Variants in MYO1F observed in about 807,000 individuals in gnomAD.
MYO1F encodes unconventional myosin-If.
In MYO1F, 60 loss-of-function variants were observed where a neutral mutation model predicts 146.6. That is an observed-to-expected ratio of 0.41 (90% CI 0.33 to 0.51). The LOEUF is 0.51. Ranked by LOEUF, MYO1F falls within the 20% of genes least tolerant of loss-of-function variation. The pLI is 0.25. For synonymous variants in MYO1F, 602 were observed against 602.1 expected (o/e 1.00, Z 0.00); for missense variants, 1,274 against 1,534.3 (o/e 0.83, Z 2.83).
In MYO1F at chr19:8,530,671, G is replaced by C; in HGVS notation, c.2044-98C>G. 1 of 949,730 alleles carries C rather than the reference G, an allele frequency of 1.1e-6. No individual in the cohort carries two copies. The highest frequency in any genetic ancestry group is 1.7e-6 in the Non-Finnish European group (1 of 594,066). 58.8% of individuals were successfully genotyped at this position (949,730 alleles called of 1,614,324 possible). ...GCGCTCACCCTACTCACACGCTTTT[G>C]CTCACCCATCCCCACACATGTGCTA... On this transcript the variant is annotated intron_variant, in intron 19 of 27. Transcript: ENST00000644032. The surrounding 1 kb of genome is among the most constrained non-coding windows in gnomAD (Gnocchi z 5.8).
At chr19:8,568,664 G>C (rs369882423) in intron 1 of MYO1F, among the ~76,000 whole-genome samples, 2 of 152,026 alleles carry the variant, frequency 1.3e-5, no homozygotes, top group East Asian at 3.9e-4. Context: ...GCTCACGCCT[G>C]TAATCCCAGC....
intron 14 of MYO1F, among the ~76,000 whole-genome samples, chr19:8,543,744 CTGGTGGTGG>C (rs1282435228): frequency 1.0e-4 from 1 of 9,848 alleles, no homozygotes; most frequent in East Asian, 3.0e-3. Flanking sequence ...GCTGGTGGTG[CTGGTGGTGG>C]TGGTGGTGGT....
In MYO1F at chr19:8,544,291, G is replaced by A. The variant is rs150510779; in HGVS notation, c.1524+6C>T. 1.9e-6 allele frequency: 3 copies of A among 1,612,740 alleles called. No individual in the cohort carries two copies. The highest frequency in any genetic ancestry group is 2.5e-6 in the Non-Finnish European group (3 of 1,179,782). On this transcript the variant is annotated splice_donor_region_variant and intron_variant, in intron 14 of 27. Transcript: ENST00000644032. ...GCACAGGGTAGGGTAGGGGCAGGGG[G>A]CGCACCTTGCCAGCGTAGTGGTGGA...
chr19:8,569,724 C>G (rs1270436453), intron 1 of MYO1F, among the ~76,000 whole-genome samples: 1 of 152,094 alleles, frequency 6.6e-6, no homozygotes, highest in East Asian at 1.9e-4. Flanking sequence ...ACTTTCCAGG[C>G]AGCATCAGTG....
Position 8,548,261 on chromosome 19 carries a change from G to A in MYO1F, c.1158C>T (p.Asp386=). The change falls in exon 11 of 28, where the codon GAC becomes GAT. Residue 386 remains aspartate, a synonymous_variant. Coordinates refer to ENST00000644032, the MANE Select transcript of MYO1F (RefSeq NM_012335.4). ...CCTGGAAGATCTCGAAGCCGTAAAT[G>A]TCCAGCACACCGATGCTGTACTCTT... ...PQEEYSIGVL[D]IYGFEIFQKN... The A allele has an allele frequency of 6.2e-7, 1 of 1,614,028 alleles. No homozygotes were observed. The highest frequency in any genetic ancestry group is 8.5e-7 in the Non-Finnish European group (1 of 1,180,010).
intron 4 of MYO1F, among the ~76,000 whole-genome samples, chr19:8,553,697 A>G (rs1973709839): frequency 6.6e-6 from 1 of 151,912 alleles, no homozygotes; most frequent in Non-Finnish European, 1.5e-5. Context: ...ACATGGTGAA[A>G]CCCAGTCTCT....
rs1407150409 is a variant in MYO1F at position 8,526,786 on chromosome 19, T to C, written c.2621+3A>G. On this transcript the variant is annotated splice_donor_region_variant and intron_variant, in intron 23 of 27. Transcript: ENST00000644032. ...GATGGTGCTGGGGTTGGCGGGGCCG[T>C]ACGTGTCGCTGAAGGTGAGGGGCAG... is the stretch of plus-strand genomic sequence containing the variant. The C allele has an allele frequency of 6.2e-7, 1 of 1,606,934 alleles. No individual in the cohort carries two copies. The highest frequency in any genetic ancestry group is 1.7e-5 in the Admixed American group (1 of 58,846).
intron 19 of MYO1F, among the ~76,000 whole-genome samples, chr19:8,533,500 G>A (rs57976295): frequency 2.0e-5 from 3 of 151,742 alleles, no homozygotes; most frequent in Admixed American, 1.3e-4. Flanking sequence ...GACTACAGGC[G>A]CCCGCCACCA....
At chr19:8,542,174 G>A (rs1434426018) in intron 14 of MYO1F, among the ~76,000 whole-genome samples, 183 bp from the exon 15 acceptor site, 1 of 151,430 alleles carries the variant, frequency 6.6e-6, no homozygotes, top group African/African-American at 2.4e-5. Context: ...GATGGGGGGC[G>A]GGCTTCCTGG....
chr19:8,555,560 G>A (rs1279056609), intron 2 of MYO1F, 99 bp downstream of exon 2: 4 of 1,542,576 alleles, frequency 2.6e-6, no homozygotes, highest in East Asian at 2.3e-5. Flanking sequence ...GTGCTCTCCC[G>A]GCCCATTCCT....
intron 16 of MYO1F, among the ~76,000 whole-genome samples, chr19:8,537,920 A>G (rs1436789824): frequency 2.0e-5 from 3 of 149,092 alleles, no homozygotes; most frequent in Non-Finnish European, 4.5e-5. Context: ...AGGTAGGGAA[A>G]CTGTGTGTAT....
chr19:8,542,200 G>A (rs1243379694), intron 14 of MYO1F, among the ~76,000 whole-genome samples: 1 of 151,518 alleles, frequency 6.6e-6, no homozygotes, highest in Non-Finnish European at 1.5e-5. Flanking sequence ...TGATGTTCAA[G>A]TTGAGGTTAG....
rs1972314404 is a variant in MYO1F at position 8,527,384 on chromosome 19, A to G, written c.2428T>C (p.Leu810=). Residue 810 remains leucine (L), a synonymous_variant, in exon 22 of 28, where the codon TTG becomes CTG. Transcript: ENST00000644032. ...GPEKGQVCEV[L]KKKVDIQALR... ...GCCTGGATGTCCACTTTCTTCTTCAAGACTTCACACACCTGGCCCTTCTCA... is the reference window on the plus strand; with the variant it reads ...GCCTGGATGTCCACTTTCTTCTTCAGGACTTCACACACCTGGCCCTTCTCA... 2.5e-6 allele frequency: 4 copies of G among 1,613,982 alleles called. No individual in the cohort carries two copies. The highest frequency in any genetic ancestry group is 3.4e-6 in the Non-Finnish European group (4 of 1,180,032).
At chr19:8,541,675 C>T in intron 15 of MYO1F, 1 of 546,660 alleles carries the variant, frequency 1.8e-6, no homozygotes, top group South Asian at 1.9e-5. Context: ...GAGATTTGTC[C>T]ACTTCGGCCT....
intron 10 of MYO1F, chr19:8,549,783 G>A (rs1568356472): frequency 9.8e-6 from 3 of 306,010 alleles, no homozygotes; most frequent in Non-Finnish European, 1.9e-5. Context: ...GGGATTACAG[G>A]CATGAGCCAC....
At chr19:8,554,791 C>T in intron 2 of MYO1F, 48 bp from the exon 3 acceptor site, 1 of 1,550,320 alleles carries the variant, frequency 6.5e-7, no homozygotes, top group Non-Finnish European at 8.9e-7. Flanking sequence ...GTTTTGTCCT[C>T]CCTGTCCCCT....
intron 19 of MYO1F, among the ~76,000 whole-genome samples, chr19:8,531,678 A>G (rs1972491490): frequency 6.6e-6 from 1 of 152,222 alleles, no homozygotes; most frequent in Non-Finnish European, 1.5e-5. Context: ...TGTGCCACTT[A>G]CTACCTGTGT....
chr19:8,550,235 G>A lies in MYO1F; in HGVS notation c.1026C>T (p.Asn342=), dbSNP rs748189585. 23 of 1,614,068 alleles carry A rather than the reference G, an allele frequency of 1.4e-5. No individual in the cohort carries two copies. In the Admixed American group the frequency reaches 2.8e-4, roughly 20 times the overall value. Residue 342 remains asparagine, a synonymous_variant, in exon 10 of 28, where the codon AAC becomes AAT. Transcript: ENST00000644032. ...GRSESINVTL[N]VEQAAYTRDA... is the part of the protein sequence containing the mutation. ...CACGGGTGTAGGCTGCCTGCTCCACGTTGAGGGTCACATTGATGGACTCGC... is the reference window on the plus strand; with the variant it reads ...CACGGGTGTAGGCTGCCTGCTCCACATTGAGGGTCACATTGATGGACTCGC...
intron 14 of MYO1F, 195 bp downstream of exon 14, chr19:8,544,102 G>T (rs1973226985): frequency 3.2e-6 from 2 of 631,754 alleles, no homozygotes; most frequent in East Asian, 2.9e-5. Flanking sequence ...GAGAGTTCCT[G>T]GGGGGTCAGC....
Sources: allele counts gnomAD v4.1 joint callset (sites outside exome capture counted in the v4.1 genomes callset), GRCh38; gene constraint gnomAD v4.1.1; non-coding constraint Gnocchi (gnomAD v3.1); transcripts MANE v1.5; gene names NCBI Gene and HGNC (gene_info 2026-07-23, HGNC 2026-07-21).